EBF1: variants seen among roughly 807,000 people sequenced by gnomAD.
EBF1 encodes the protein EBF transcription factor 1, also known as transcription factor COE1.
In EBF1, 10 loss-of-function variants were observed where a neutral mutation model predicts 68.4. That is an observed-to-expected ratio of 0.15 (90% CI 0.09 to 0.25). The LOEUF is 0.25. Ranked by LOEUF, EBF1 falls within the 10% of genes least tolerant of loss-of-function variation. EBF1 has a pLI of 1.00. For missense variants in EBF1, 509 were observed against 794.4 expected (o/e 0.64, Z 4.32); for synonymous variants, 298 against 299.8 (o/e 0.99, Z 0.06).
chr5:158,897,244 G>A (rs773950294), intron 6 of EBF1, among the ~76,000 whole-genome samples: 1 of 152,200 alleles, frequency 6.6e-6, no homozygotes, highest in Non-Finnish European at 1.5e-5. Flanking sequence ...GCTATAAAAA[G>A]AAAGAGATCA....
chr5:158,723,373 TTCTGCGATGTATTAGCAGCGTAAACACA>T (rs765443887), intron 11 of EBF1, among the ~76,000 whole-genome samples: 15 of 152,328 alleles, frequency 9.8e-5, no homozygotes, highest in Non-Finnish European at 2.1e-4. Context: ...CAAATCCATG[TTCTGCGATGTATTAGCAGCGTAAACACA>T]TGCCTCTGTG....
intron 6 of EBF1, among the ~76,000 whole-genome samples, chr5:158,914,617 G>C (rs551721435): frequency 3.3e-5 from 5 of 152,010 alleles, no homozygotes; most frequent in African/African-American, 7.2e-5. Flanking sequence ...AAGAAAAGGA[G>C]GGGGGGAAAT....
chr5:158,958,351 C>G (rs983588924), intron 6 of EBF1, among the ~76,000 whole-genome samples: 1 of 152,170 alleles, frequency 6.6e-6, no homozygotes, highest in Non-Finnish European at 1.5e-5. Context: ...CCTGTTAATC[C>G]ATGCAAATCA....
chr5:159,045,822 G>C (rs2127792553), intron 6 of EBF1, among the ~76,000 whole-genome samples: 1 of 152,212 alleles, frequency 6.6e-6, no homozygotes, highest in East Asian at 1.9e-4. Flanking sequence ...AAGATAACAT[G>C]AACATTAGGA....
At chr5:158,930,569 T>A (rs1810660166) in intron 6 of EBF1, among the ~76,000 whole-genome samples, 1 of 152,242 alleles carries the variant, frequency 6.6e-6, no homozygotes, top group South Asian at 2.1e-4. Flanking sequence ...AATGGGATAC[T>A]TTGGATACTT....
rs548457590 is a variant in EBF1, at chr5:158,746,837, T to C, written c.1037-15680A>G. Among the ~76,000 whole-genome samples the C allele has an allele frequency of 2.7e-4, 41 of 152,310 alleles. 1 individual carries two copies. Among genetic ancestry groups the C allele is most frequent in the African/African-American group, 9.6e-4 (40 of 41,576 alleles). ...TGGGACATATCTACAGGAGCAGAGA[T>C]CGGCTTGATAAACTGCTGACCTATT... is the stretch of plus-strand genomic sequence containing the variant. On this transcript the variant is annotated intron_variant, in intron 10 of 15. Transcript: ENST00000313708.
At chr5:158,892,806 G>T (rs573127101) in intron 6 of EBF1, among the ~76,000 whole-genome samples, 1 of 152,204 alleles carries the variant, frequency 6.6e-6, no homozygotes, top group South Asian at 2.1e-4. Context: ...AAAGAAAGAA[G>T]TGGTGCACTC....
chr5:158,873,285 C>T, intron 6 of EBF1, among the ~76,000 whole-genome samples: 1 of 152,128 alleles, frequency 6.6e-6, no homozygotes, highest in South Asian at 2.1e-4. Context: ...TTTACCCCCA[C>T]TAGCATCTTA....
Position 159,084,710 on chromosome 5 carries a change from G to A in EBF1, c.441C>T (p.Asn147=), listed in dbSNP as rs757216644. The A allele has an allele frequency of 3.1e-6, 5 of 1,598,714 alleles. No individual in the cohort carries two copies. In the South Asian group the frequency reaches 4.5e-5, roughly 14 times the overall value. The change falls in exon 5 of 16, where the codon AAC becomes AAT. Residue 147 remains asparagine, a synonymous_variant. Coordinates refer to ENST00000313708, the MANE Select transcript of EBF1 (RefSeq NM_024007.5). ...QAIVYEGQDK[N]PEMCRVLLTH... ...TGAGCAAGACTCGGCACATTTCTGG[G>A]TTCTTGTCTTGGCCTTCATACACTA...
At chr5:158,739,346 C>T (rs1443720680) in intron 10 of EBF1, among the ~76,000 whole-genome samples, 6 of 152,210 alleles carry the variant, frequency 3.9e-5, no homozygotes, top group Admixed American at 2.6e-4. Context: ...AAGTGTACTA[C>T]AGTTGATGAG....
chr5:159,008,925 T>G (rs978468888), intron 6 of EBF1, among the ~76,000 whole-genome samples: 2 of 152,222 alleles, frequency 1.3e-5, no homozygotes, highest in Admixed American at 6.5e-5. Context: ...TTTATCAGTT[T>G]AAATTCTAAT....
At chr5:158,805,384 C>T (rs944459710) in intron 8 of EBF1, among the ~76,000 whole-genome samples, 7 of 152,080 alleles carry the variant, frequency 4.6e-5, no homozygotes, top group East Asian at 3.9e-4. Context: ...ATACAGGAAT[C>T]GGCCTGATAG....
intron 10 of EBF1, among the ~76,000 whole-genome samples, chr5:158,760,375 A>T (rs1771144869): frequency 6.6e-6 from 1 of 152,174 alleles, no homozygotes; most frequent in South Asian, 2.1e-4. Context: ...AATTCCTTCC[A>T]AACATGAGAA....
chr5:159,094,180 A>AAAAAC (rs1391056586), intron 4 of EBF1, among the ~76,000 whole-genome samples: 1 of 147,466 alleles, frequency 6.8e-6, no homozygotes, highest in African/African-American at 2.5e-5. Context: ...AAAAAAAAAA[A>AAAAAC]AAAAAAAAAA....
chr5:158,834,658 T>A (rs1438474413), intron 7 of EBF1, among the ~76,000 whole-genome samples: 1 of 152,314 alleles, frequency 6.6e-6, no homozygotes, highest in South Asian at 2.1e-4. Context: ...TTAAGCAATC[T>A]CTGTTTACAC....
intron 6 of EBF1, among the ~76,000 whole-genome samples, chr5:158,870,209 T>C (rs1796653358): frequency 6.6e-6 from 1 of 152,208 alleles, no homozygotes; most frequent in Non-Finnish European, 1.5e-5. Context: ...TGAGGTGATG[T>C]GAACATTCTG....
chr5:159,028,751 G>A (rs986721972), intron 6 of EBF1, among the ~76,000 whole-genome samples: 9 of 152,164 alleles, frequency 5.9e-5, no homozygotes, highest in Non-Finnish European at 1.2e-4. Flanking sequence ...TTGGATGGAA[G>A]GTTGGAAGGA....
intron 6 of EBF1, among the ~76,000 whole-genome samples, chr5:159,004,726 GT>G (rs778390565): frequency 5.9e-5 from 9 of 152,238 alleles, no homozygotes; most frequent in Middle Eastern, 3.4e-3. Context: ...TCCACTGAAT[GT>G]CACATTATCT....
intron 6 of EBF1, among the ~76,000 whole-genome samples, chr5:159,047,477 C>T (rs561589496): frequency 1.7e-4 from 26 of 151,906 alleles, no homozygotes; most frequent in African/African-American, 5.8e-4. Context: ...GTTGGGGTGG[C>T]GCAAAGGGGA....
Sources: gnomAD v4.1 joint callset for allele counts (sites outside exome capture counted in the v4.1 genomes callset) on GRCh38, gnomAD v4.1.1 for gene constraint, MANE v1.5 for transcripts, NCBI Gene and HGNC (gene_info 2026-07-23, HGNC 2026-07-21) for gene names.